DCP1A: variants seen among roughly 807,000 people sequenced by gnomAD.
The protein encoded by DCP1A is decapping mRNA 1A.
DCP1A carries 20 observed loss-of-function variants against 58.0 expected under a neutral mutation model. The ratio of observed to expected loss-of-function variants is 0.34; its 90% CI spans 0.24 to 0.50. The LOEUF is 0.50. Among genes scored for constraint, DCP1A ranks in the 20% least tolerant of loss-of-function variants. DCP1A has a pLI of 0.98. For missense variants in DCP1A, 613 were observed against 712.2 expected, an observed-to-expected ratio of 0.86 and a Z score of 1.59; for synonymous variants, 285 against 275.1, an observed-to-expected ratio of 1.04 and a Z score of -0.36.
intron 3 of DCP1A, among the ~76,000 whole-genome samples, chr3:53,328,551 T>C (rs1220044543): frequency 6.6e-6 from 1 of 152,078 alleles, no homozygotes; most frequent in Non-Finnish European, 1.5e-5. Context: ...AGTGCTTTTA[T>C]CTGACAACAC....
chr3:53,314,176 G>C (rs571933829), intron 4 of DCP1A, among the ~76,000 whole-genome samples: 1 of 152,250 alleles, frequency 6.6e-6, no homozygotes, highest in Admixed American at 6.5e-5. Context: ...TTATAGACAT[G>C]AGCCACCACA....
At chr3:53,299,123 T>C (rs1707228364) in intron 6 of DCP1A, among the ~76,000 whole-genome samples, 1 of 152,220 alleles carries the variant, frequency 6.6e-6, no homozygotes, top group Non-Finnish European at 1.5e-5. Context: ...TGACACATGA[T>C]TATACCTAAC....
rs960146118 is a variant in DCP1A, at chr3:53,292,695, C to T, written c.757G>A (p.Glu253Lys). 6.2e-7 allele frequency: 1 copy of T among 1,613,824 alleles called. No individual in the cohort carries two copies. The highest frequency in any genetic ancestry group is 2.2e-5 in the East Asian group (1 of 44,854). Reference sequence around the variant, plus strand: ...GGAAATGGTAGGAATGAATTGGGCTCTTTCTGGGAGGCATCTCCTGGCAAC... The same window carrying T: ...GGAAATGGTAGGAATGAATTGGGCTTTTTCTGGGAGGCATCTCCTGGCAAC... ...ERLPGDASQK[E>K]PNSFLPFPFE... The change falls in exon 7 of 10, where the codon GAG becomes AAG. Residue 253 changes from glutamate (E) to lysine (K), a missense_variant. This residue lies in a region of DCP1A where 498 missense variants were observed against 556.7 expected (regional missense o/e 0.89). Coordinates refer to ENST00000610213, the MANE Select transcript of DCP1A (RefSeq NM_018403.7).
At chr3:53,309,369 C>CA (rs79989110) in intron 5 of DCP1A, among the ~76,000 whole-genome samples, 4,991 of 94,468 alleles carry the variant, frequency 0.053, 285 homozygotes, top group African/African-American at 0.17. Context: ...GACTCCATCT[C>CA]AAAAAAAAAA....
chr3:53,328,631 T>C (rs1360851704), intron 3 of DCP1A, among the ~76,000 whole-genome samples: 7 of 152,168 alleles, frequency 4.6e-5, no homozygotes, highest in Admixed American at 4.6e-4. Context: ...AATTCTGAAA[T>C]GTTCATGGAT....
At chr3:53,299,361 G>C (rs995431898) in intron 6 of DCP1A, among the ~76,000 whole-genome samples, 1 of 152,158 alleles carries the variant, frequency 6.6e-6, no homozygotes, top group African/African-American at 2.4e-5. Flanking sequence ...AGGATTCTGA[G>C]TTTTTTAATA....
chr3:53,315,760 T>G (rs1707790154), intron 4 of DCP1A, among the ~76,000 whole-genome samples: 1 of 132,798 alleles, frequency 7.5e-6, no homozygotes, highest in African/African-American at 2.8e-5. Flanking sequence ...TTTTTTTGTT[T>G]TTTTTTTTTT....
At chr3:53,292,885 A>C in intron 6 of DCP1A, 58 bp from the exon 7 acceptor site, 1 of 1,512,294 alleles carries the variant, frequency 6.6e-7, no homozygotes, top group South Asian at 1.3e-5. Context: ...AGCATAACCA[A>C]ACTTCTTTTC....
chr3:53,288,274 C>T lies in DCP1A; in HGVS notation c.1459G>A (p.Ala487Thr), dbSNP rs782575567. Residue 487 changes from alanine to threonine, a missense_variant, in exon 9 of 10, where the codon GCC becomes ACC. Around this residue, in one of 3 missense-constraint regions of DCP1A, gnomAD observed 498 missense variants for 556.7 expected, o/e 0.89. Coordinates refer to ENST00000610213, the MANE Select transcript of DCP1A (RefSeq NM_018403.7). ...VLSSAIPVAGAPLVTATTTAV... is the reference protein window; with the variant it reads ...VLSSAIPVAGTPLVTATTTAV... Reference sequence around the variant, plus strand: ...GTGGTCGTTGCAGTAACCAGTGGGGCGCCTGCAACCTGGAGAGTGACAATG... The same window carrying T: ...GTGGTCGTTGCAGTAACCAGTGGGGTGCCTGCAACCTGGAGAGTGACAATG... The T allele has an allele frequency of 3.5e-5, 56 of 1,608,382 alleles. 1 individual carries two copies. In the South Asian group the frequency reaches 3.8e-4, roughly 11 times the overall value.
chr3:53,345,949 A>C (rs1463101556), intron 1 of DCP1A, among the ~76,000 whole-genome samples: 1 of 152,184 alleles, frequency 6.6e-6, no homozygotes, highest in East Asian at 1.9e-4. Flanking sequence ...GATTTTTGTC[A>C]TGCTCTATGT....
At chr3:53,299,059 G>A (rs782226247) in intron 6 of DCP1A, among the ~76,000 whole-genome samples, 2 of 152,132 alleles carry the variant, frequency 1.3e-5, no homozygotes, top group African/African-American at 2.4e-5. Flanking sequence ...TATGATGTTC[G>A]GAGAATGAAA....
rs1381036761 is a variant in DCP1A, at chr3:53,283,717, T to TA, written c.*3862dup. 1 of 152,148 alleles carries TA rather than the reference T, an allele frequency of 6.6e-6. No individual in the cohort carries two copies. Among genetic ancestry groups the TA allele is most frequent in the Non-Finnish European group, 1.5e-5 (1 of 68,004 alleles). 9.4% of individuals were successfully genotyped at this position (152,148 alleles called of 1,614,324 possible). A position where few individuals can be genotyped will look rare whatever the true frequency, so the allele number is the denominator to read the frequency against. ...ACATGGCCAAAGCAGTAATACAGAA[T>TA]AAAAAACCATTTAGAACACATATTT... On this transcript the variant is annotated 3_prime_UTR_variant, in exon 10 of 10. Transcript: ENST00000610213.
At chr3:53,306,649 T>C (rs546885470) in intron 5 of DCP1A, among the ~76,000 whole-genome samples, 35 of 151,262 alleles carry the variant, frequency 2.3e-4, no homozygotes, top group African/African-American at 8.5e-4. Flanking sequence ...TGGGCGCCTG[T>C]AGTCCCAGCT....
intron 1 of DCP1A, 26 bp downstream of exon 1, chr3:53,347,357 C>A: frequency 6.5e-7 from 1 of 1,536,526 alleles, no homozygotes; most frequent in East Asian, 2.4e-5. Flanking sequence ...GCCGGGTGGC[C>A]GTCCTCAGGG....
intron 6 of DCP1A, among the ~76,000 whole-genome samples, chr3:53,302,819 C>T (rs895259236): frequency 7.2e-5 from 11 of 152,248 alleles, no homozygotes; most frequent in Admixed American, 2.6e-4. Flanking sequence ...AACGGGGTTT[C>T]GCCATGTTGG....
Position 53,287,575 on chromosome 3 carries a change from T to G in DCP1A, c.*5A>C. The G allele has an allele frequency of 1.3e-6, 2 of 1,597,786 alleles. No homozygotes were observed. Among genetic ancestry groups the G allele is most frequent in the Non-Finnish European group, 1.7e-6 (2 of 1,165,330 alleles). On this transcript the variant is annotated 3_prime_UTR_variant, in exon 10 of 10. Transcript: ENST00000610213. ...GGCTCTGCCTTTAGACTTATTCTGCTCCAGTCATAGGTTGTGGTTGTCTTT... is the reference window on the plus strand; with the variant it reads ...GGCTCTGCCTTTAGACTTATTCTGCGCCAGTCATAGGTTGTGGTTGTCTTT...
chr3:53,310,167 A>T (rs890581420), intron 5 of DCP1A, among the ~76,000 whole-genome samples: 10 of 152,384 alleles, frequency 6.6e-5, no homozygotes, highest in Admixed American at 6.5e-5. Flanking sequence ...ACCAAATCCC[A>T]AAGGGTTTCA....
intron 6 of DCP1A, among the ~76,000 whole-genome samples, chr3:53,295,205 C>T (rs1483893387): frequency 6.6e-6 from 1 of 152,144 alleles, no homozygotes; most frequent in Non-Finnish European, 1.5e-5. Context: ...GCATCATCTG[C>T]TAGGTGAGAG....
intron 4 of DCP1A, 90 bp downstream of exon 4, chr3:53,319,317 T>C: frequency 1.2e-6 from 1 of 813,480 alleles, no homozygotes; most frequent in Non-Finnish European, 1.9e-6. Flanking sequence ...ATACATGAGT[T>C]GGCAGACTTT....
Sources: gnomAD v4.1 joint callset for allele counts (sites outside exome capture counted in the v4.1 genomes callset) on GRCh38, gnomAD v4.1.1 for gene constraint, gnomAD v4.1.1 regional missense constraint, MANE v1.5 for transcripts, NCBI Gene and HGNC (gene_info 2026-07-23, HGNC 2026-07-21) for gene names.